TEN1: variants seen among roughly 807,000 people sequenced by gnomAD.
The protein encoded by TEN1 is CST complex subunit TEN1.
Under a neutral mutation model 9.3 loss-of-function variants are expected in TEN1, and 6 were observed. The observed-to-expected ratio is 0.65, with a 90% confidence interval of 0.35 to 1.27. The LOEUF is 1.27. TEN1 is among the 50% of genes most tolerant of loss of function. The pLI, the probability that TEN1 is intolerant of heterozygous loss-of-function variation, is 0.03. For missense variants in TEN1, 149 were observed against 158.2 expected (o/e 0.94, Z 0.31); for synonymous variants, 65 against 65.6 (o/e 0.99, Z 0.04).
In TEN1 at chr17:75,986,034, C is replaced by T. The variant is rs976094014; in HGVS notation, c.-6-153C>T. On this transcript the variant is annotated intron_variant, in intron 1 of 3. Coordinates refer to ENST00000397640, the MANE Select transcript of TEN1 (RefSeq NM_001113324.3). ...AGGTATATCTCCTAATGCTATCCCT[C>T]CCCCCAAAAAATTTTTTTTTTAATT... is the stretch of plus-strand genomic sequence containing the variant. 2.6e-5 allele frequency: 14 copies of T among 542,682 alleles called. 1 individual carries two copies. The highest frequency in any genetic ancestry group is 3.9e-5 in the African/African-American group (2 of 51,680). The allele number at this position is 542,682 out of a possible 1,614,324, so 33.6% of individuals were successfully genotyped here.
At chr17:75,980,281 G>C (rs2066107672) in intron 1 of TEN1, among the ~76,000 whole-genome samples, 1 of 152,082 alleles carries the variant, frequency 6.6e-6, no homozygotes, top group African/African-American at 2.4e-5. Flanking sequence ...GGAGGTTGCG[G>C]TGAGCCAAGA....
rs530997625 is a variant in TEN1, at chr17:75,991,380, A to G, written c.93-86A>G. 8.7e-5 allele frequency: 121 copies of G among 1,393,664 alleles called. 1 individual carries two copies. Among genetic ancestry groups the G allele is most frequent in the Non-Finnish European group, 1.1e-4 (112 of 1,014,630 alleles). 86.3% of individuals were successfully genotyped at this position (1,393,664 alleles called of 1,614,324 possible). On this transcript the variant is annotated intron_variant, in intron 2 of 3. Transcript: ENST00000397640. ...TGAGACTGAGGCTGAACACTTTTCTATAGATTTCTTGGCCATGCAAACCTT... is the reference window on the plus strand; with the variant it reads ...TGAGACTGAGGCTGAACACTTTTCTGTAGATTTCTTGGCCATGCAAACCTT...
chr17:75,996,740 G>C (rs2066220402), intron 3 of TEN1, among the ~76,000 whole-genome samples: 1 of 149,688 alleles, frequency 6.7e-6, no homozygotes. Context: ...GAGAAAGAAA[G>C]AAAAAGAAAG....
At chr17:75,993,392 C>T (rs1038081288) in intron 3 of TEN1, among the ~76,000 whole-genome samples, 5 of 152,032 alleles carry the variant, frequency 3.3e-5, no homozygotes, top group African/African-American at 4.8e-5. Context: ...CGTGAGCTAC[C>T]GCGCCTGGCC....
intron 3 of TEN1, among the ~76,000 whole-genome samples, chr17:75,995,689 C>T (rs1246575705): frequency 6.6e-6 from 1 of 152,220 alleles, no homozygotes; most frequent in Non-Finnish European, 1.5e-5. Context: ...GGAGCATGCC[C>T]AGGCTGAAGG....
intron 3 of TEN1, among the ~76,000 whole-genome samples, chr17:75,996,183 G>A (rs2066216797): frequency 6.6e-6 from 1 of 151,952 alleles, no homozygotes; most frequent in Non-Finnish European, 1.5e-5. Flanking sequence ...TTGAGTCCAG[G>A]AGTTCAAGAC....
In TEN1 at chr17:76,000,292, G is replaced by C. The variant is rs756388821; in HGVS notation, c.*30G>C. 6.5e-7 allele frequency: 1 copy of C among 1,544,106 alleles called. No individual in the cohort carries two copies. The highest frequency in any genetic ancestry group is 1.2e-5 in the South Asian group (1 of 83,320). ...CAGCAGCCTAGCAACACCCTCACCT[G>C]CTTCAGAGCCCGAACCCTCTGGAGC... is the stretch of plus-strand genomic sequence containing the variant. On this transcript the variant is annotated 3_prime_UTR_variant, in exon 4 of 4. Coordinates refer to ENST00000397640, the MANE Select transcript of TEN1 (RefSeq NM_001113324.3). The surrounding 1 kb of genome is among the most constrained non-coding windows in gnomAD (Gnocchi z 5.9).
intron 1 of TEN1, chr17:75,984,731 C>T (rs2066141561): frequency 6.6e-6 from 1 of 152,274 alleles, no homozygotes; most frequent in Admixed American, 6.5e-5. Flanking sequence ...AAGCAAAGCC[C>T]AGTCCAGAGT....
chr17:75,980,112 G>C (rs1333064863), intron 1 of TEN1, among the ~76,000 whole-genome samples: 2 of 152,106 alleles, frequency 1.3e-5, no homozygotes, highest in South Asian at 2.1e-4. Flanking sequence ...CGAGGCGGGC[G>C]TATCACTTGA....
rs751434203 is a variant in TEN1 at position 75,991,610 on chromosome 17, C to A, written c.237C>A (p.Leu79=). Residue 79 remains leucine, a synonymous_variant, in exon 3 of 4, where the codon CTC becomes CTA. Transcript: ENST00000397640. ...VGSLYIVLGE[L]QHQQDRGSVV... ...CCCTGTACATCGTCCTCGGGGAGCT[C>A]CAGCATCAGCAGGGTGAGCTGCAGC... is the stretch of plus-strand genomic sequence containing the variant. The A allele has an allele frequency of 1.9e-6, 3 of 1,551,592 alleles. No homozygotes were observed. Among genetic ancestry groups the A allele is most frequent in the Non-Finnish European group, 2.6e-6 (3 of 1,146,916 alleles).
chr17:75,980,219 G>C (rs1052774848), intron 1 of TEN1, among the ~76,000 whole-genome samples: 2 of 152,084 alleles, frequency 1.3e-5, no homozygotes, highest in Non-Finnish European at 2.9e-5. Context: ...TGCGCCTGTA[G>C]TCCCAGCTAC....
Position 76,000,488 on chromosome 17 carries a change from A to G in TEN1, c.*226A>G. The G allele has an allele frequency of 1.6e-6, 1 of 626,666 alleles. No individual in the cohort carries two copies. The highest frequency in any genetic ancestry group is 2.5e-6 in the Non-Finnish European group (1 of 394,608). 38.8% of individuals were successfully genotyped at this position (626,666 alleles called of 1,614,324 possible). A position where few individuals can be genotyped will look rare whatever the true frequency, so the allele number is the denominator to read the frequency against. On this transcript the variant is annotated 3_prime_UTR_variant, in exon 4 of 4. Coordinates refer to ENST00000397640, the MANE Select transcript of TEN1 (RefSeq NM_001113324.3). The surrounding 1 kb of genome is among the most constrained non-coding windows in gnomAD (Gnocchi z 5.9). ...CGACAGCCCCACCCCAGGAGACTGC[A>G]GGTGGCCGAGCTTGGGCGCCGGGGC...
Position 75,991,531 on chromosome 17 carries a change from A to C in TEN1, c.158A>C (p.His53Pro). ...TLMAQHGSDQ[H>P]QVLVCTKLVE... ...ATGGCTCAGCACGGATCCGATCAGC[A>C]CCAGGTTCTTGTCTGTACCAAGTTG... The change falls in exon 3 of 4, where the codon CAC becomes CCC. Residue 53 changes from histidine (H) to proline (P), a missense_variant. Coordinates refer to ENST00000397640, the MANE Select transcript of TEN1 (RefSeq NM_001113324.3). 2 of 1,552,356 alleles carry C rather than the reference A, an allele frequency of 1.3e-6. No homozygotes were observed. Among genetic ancestry groups the C allele is most frequent in the Non-Finnish European group, 1.7e-6 (2 of 1,147,126 alleles).
chr17:75,986,297 A>AT lies in TEN1; in HGVS notation c.92+20dup. On this transcript the variant is annotated intron_variant, in intron 2 of 3. Transcript: ENST00000397640. ...GAACATTTGGCAGGTGAGAACGGTT[A>AT]TTTTTTTCACTGGTGGGGGTGATGA... 4 of 1,541,278 alleles carry AT rather than the reference A, an allele frequency of 2.6e-6. No individual in the cohort carries two copies. The highest frequency in any genetic ancestry group is 1.4e-5 in the African/African-American group (1 of 72,560).
At chr17:75,991,167 AAG>A (rs1491069919) in intron 2 of TEN1, among the ~76,000 whole-genome samples, 14 of 150,100 alleles carry the variant, frequency 9.3e-5, no homozygotes, top group African/African-American at 3.4e-4. Context: ...AAAAAAAAAA[AAG>A]AAAAAAGAAA....
At chr17:75,990,996 A>C (rs1025953452) in intron 2 of TEN1, among the ~76,000 whole-genome samples, 7 of 151,554 alleles carry the variant, frequency 4.6e-5, no homozygotes, top group African/African-American at 1.7e-4. Context: ...CTAAAAATAC[A>C]AAAATTAGCC....
chr17:75,982,767 GTGGCA>G (rs2066129153), intron 1 of TEN1, among the ~76,000 whole-genome samples: 1 of 151,766 alleles, frequency 6.6e-6, no homozygotes, highest in Non-Finnish European at 1.5e-5. Flanking sequence ...CTGGAGTGCA[GTGGCA>G]TGATCTCGGC....
chr17:75,990,366 G>C (rs1471501155), intron 2 of TEN1, among the ~76,000 whole-genome samples: 1 of 151,868 alleles, frequency 6.6e-6, no homozygotes, highest in African/African-American at 2.4e-5. Context: ...CTTATGGTAG[G>C]GGAAAACATC....
intron 3 of TEN1, among the ~76,000 whole-genome samples, chr17:75,999,854 G>A (rs1451311694): frequency 3.3e-5 from 5 of 151,962 alleles, no homozygotes; most frequent in Admixed American, 6.6e-5. Flanking sequence ...TCTTTTCCCC[G>A]GTTCCTGATG....
Sources: allele counts gnomAD v4.1 joint callset (sites outside exome capture counted in the v4.1 genomes callset), GRCh38; gene constraint gnomAD v4.1.1; non-coding constraint Gnocchi (gnomAD v3.1); transcripts MANE v1.5; gene names NCBI Gene and HGNC (gene_info 2026-07-23, HGNC 2026-07-21).